The following CPNE4 variants were observed in gnomAD, a reference collection of about 807,000 sequenced individuals.
CPNE4 encodes copine 4, also known as copine-4.
In CPNE4, 25 loss-of-function variants were observed where a neutral mutation model predicts 67.9. The ratio of observed to expected loss-of-function variants is 0.37; its 90% confidence interval spans 0.27 to 0.51. The LOEUF (loss-of-function observed/expected upper bound fraction) is 0.51. Among genes scored for constraint, CPNE4 ranks in the 20% least tolerant of loss-of-function variants. The pLI, the probability that CPNE4 is intolerant of heterozygous loss-of-function variation, is 0.93. For synonymous variants in CPNE4, 242 were observed against 244.9 expected (o/e 0.99, Z 0.11); for missense variants, 464 against 690.8 (o/e 0.67, Z 3.68).
chr3:131,713,878 G>A (rs770660412), intron 3 of CPNE4, among the ~76,000 whole-genome samples: 8 of 151,538 alleles, frequency 5.3e-5, no homozygotes, highest in South Asian at 2.1e-4. Flanking sequence ...AGCTGCCTAT[G>A]AGCAGAAAAG....
intron 7 of CPNE4, among the ~76,000 whole-genome samples, chr3:131,620,276 A>C (rs76384214): frequency 0.016 from 2,405 of 152,330 alleles, 44 homozygotes; most frequent in African/African-American, 0.041. Flanking sequence ...TTAATTTAAA[A>C]AATAATGATG....
chr3:131,777,309 A>C (rs189826537), intron 2 of CPNE4, among the ~76,000 whole-genome samples: 1 of 152,178 alleles, frequency 6.6e-6, no homozygotes, highest in East Asian at 1.9e-4. Context: ...GCAGACAGAA[A>C]GGGATGTGAG....
chr3:132,026,045 G>A (rs1484666326), intron 1 of CPNE4, among the ~76,000 whole-genome samples: 1 of 152,148 alleles, frequency 6.6e-6, no homozygotes. Context: ...GTAGTAATAT[G>A]TCATACAACT....
intron 12 of CPNE4, among the ~76,000 whole-genome samples, chr3:131,553,523 C>A (rs1936299326): frequency 6.6e-6 from 1 of 152,034 alleles, no homozygotes; most frequent in African/African-American, 2.4e-5. Flanking sequence ...ATCCCAGCTC[C>A]CTTATCCCTT....
intron 3 of CPNE4, among the ~76,000 whole-genome samples, chr3:131,717,892 T>TTC (rs879507983): frequency 0.14 from 11,809 of 82,692 alleles, 1,138 homozygotes; most frequent in Non-Finnish European, 0.2. Context: ...CTTTCTTTCT[T>TTC]TCTTTCTTTC....
In CPNE4 at chr3:131,591,090, C is replaced by T. The variant is rs141209511; in HGVS notation, c.682-3508G>A. Reference sequence around the variant, plus strand: ...TATTTTTCTCTCTTTGTGCCAGCCCCTCCTTATTGACCCTGGCATTCACAC... The same window carrying T: ...TATTTTTCTCTCTTTGTGCCAGCCCTTCCTTATTGACCCTGGCATTCACAC... On this transcript the variant is annotated intron_variant, in intron 7 of 15. Transcript: ENST00000429747. Among the ~76,000 whole-genome samples, 650 of 152,276 alleles carry T rather than the reference C, an allele frequency of 4.3e-3. 6 individuals are homozygous for T. The highest frequency in any genetic ancestry group is 0.015 in the African/African-American group (628 of 41,558).
intron 2 of CPNE4, among the ~76,000 whole-genome samples, chr3:131,899,784 G>A (rs977883122): frequency 6.6e-6 from 1 of 152,068 alleles, no homozygotes. Context: ...AGGCTTTGGA[G>A]CAATGGAAAA....
At chr3:131,738,617 TGGG>T (rs2082290650) in intron 2 of CPNE4, among the ~76,000 whole-genome samples, 1 of 142,140 alleles carries the variant, frequency 7.0e-6, no homozygotes, top group South Asian at 2.3e-4. Context: ...TTTGGTTTTG[TGGG>T]TTTTTTGTTT....
At chr3:131,718,013 CT>C (rs1259558445) in intron 3 of CPNE4, among the ~76,000 whole-genome samples, 2 of 149,240 alleles carry the variant, frequency 1.3e-5, no homozygotes, top group East Asian at 3.9e-4. Flanking sequence ...CTCTTTCTTT[CT>C]TTCTTTTGAG....
At chr3:131,688,162 G>A (rs1875619) in intron 5 of CPNE4, among the ~76,000 whole-genome samples, 143,447 of 152,234 alleles carry the variant, frequency 0.94, 68,018 homozygotes, top group African/African-American at 0.98. Context: ...TATGTTAGAA[G>A]GAGGAGATGA....
At chr3:131,646,669 A>G (rs2079674297) in intron 7 of CPNE4, among the ~76,000 whole-genome samples, 1 of 152,234 alleles carries the variant, frequency 6.6e-6, no homozygotes, top group South Asian at 2.1e-4. Context: ...CTTATATTAC[A>G]TTGCATGCCT....
chr3:131,876,364 C>T (rs59603053), intron 2 of CPNE4, among the ~76,000 whole-genome samples: 5 of 151,374 alleles, frequency 3.3e-5, no homozygotes, highest in South Asian at 2.1e-4. Context: ...TTTTCTCGGC[C>T]GGGCGTGGTG....
Position 131,871,523 on chromosome 3 carries a change from C to T in CPNE4, c.180+33741G>A, listed in dbSNP as rs148767112. On this transcript the variant is annotated intron_variant, in intron 2 of 15. Coordinates refer to ENST00000429747, the MANE Select transcript of CPNE4 (RefSeq NM_130808.3). ...TTTATGCTCACACCCTGGAAGCATG[C>T]GCTATCCTGCTTCATTGGGGAATGA... Among the ~76,000 whole-genome samples, 53 of 152,188 alleles carry T rather than the reference C, an allele frequency of 3.5e-4. No homozygotes were observed. The East Asian group carries it at 6.8e-3, about 19-fold the overall frequency.
chr3:131,611,223 G>C (rs1939821683), intron 7 of CPNE4, among the ~76,000 whole-genome samples: 1 of 152,190 alleles, frequency 6.6e-6, no homozygotes, highest in South Asian at 2.1e-4. Context: ...TATCCTTGAT[G>C]AAGAAAGTCC....
intron 7 of CPNE4, among the ~76,000 whole-genome samples, chr3:131,590,095 C>G (rs9870963): frequency 6.6e-6 from 1 of 152,192 alleles, no homozygotes; most frequent in African/African-American, 2.4e-5. Flanking sequence ...ATATACGTCA[C>G]CCTTCCATTC....
chr3:131,759,503 G>A (rs770580979), intron 2 of CPNE4, among the ~76,000 whole-genome samples: 1 of 152,098 alleles, frequency 6.6e-6, no homozygotes, highest in Non-Finnish European at 1.5e-5. Context: ...TCTAATGGTA[G>A]CATCAACTGT....
intron 1 of CPNE4, among the ~76,000 whole-genome samples, chr3:132,001,007 A>C (rs2073417911): frequency 6.6e-6 from 1 of 152,066 alleles, no homozygotes. Context: ...TCCACTCAGA[A>C]CAAGCCCTCA....
At chr3:131,859,901 T>G (rs1382357208) in intron 2 of CPNE4, among the ~76,000 whole-genome samples, 1 of 152,154 alleles carries the variant, frequency 6.6e-6, no homozygotes, top group Non-Finnish European at 1.5e-5. Flanking sequence ...ACTAACCCAA[T>G]AGATCATAGG....
At chr3:131,871,591 A>G (rs952545989) in intron 2 of CPNE4, among the ~76,000 whole-genome samples, 3 of 152,234 alleles carry the variant, frequency 2.0e-5, no homozygotes, top group Non-Finnish European at 4.4e-5. Context: ...AGCAGGAAGT[A>G]GGAGAACAGT....
Sources: gnomAD v4.1 joint callset for allele counts (sites outside exome capture counted in the v4.1 genomes callset) on GRCh38, gnomAD v4.1.1 for gene constraint, MANE v1.5 for transcripts, NCBI Gene and HGNC (gene_info 2026-07-23, HGNC 2026-07-21) for gene names.